MMP16: variants seen among roughly 807,000 people sequenced by gnomAD.
MMP16 encodes matrix metalloproteinase-16.
Under a neutral mutation model 67.8 loss-of-function variants are expected in MMP16, and 12 were observed. The observed-to-expected ratio is 0.18, with a 90% CI of 0.11 to 0.29. The LOEUF (loss-of-function observed/expected upper bound fraction) is 0.29, where lower values mean the gene tolerates loss of function less well. Ranked by LOEUF, MMP16 falls within the 10% of genes least tolerant of loss-of-function variation. The probability of loss-of-function intolerance (pLI) is 1.00; values close to 1 mark genes in which losing one functional copy is unlikely to be tolerated. For missense variants in MMP16, 475 were observed against 765.7 expected (o/e 0.62, Z 4.48); for synonymous variants, 249 against 255.9 (o/e 0.97, Z 0.26).
At chr8:88,293,559 C>T (rs1272790797) in intron 1 of MMP16, among the ~76,000 whole-genome samples, 1 of 152,072 alleles carries the variant, frequency 6.6e-6, no homozygotes, top group African/African-American at 2.4e-5. Context: ...GACAGCATCA[C>T]TCATTTCTTT....
At chr8:88,309,798 T>A (rs1811268615) in intron 1 of MMP16, among the ~76,000 whole-genome samples, 2 of 152,104 alleles carry the variant, frequency 1.3e-5, no homozygotes, top group South Asian at 4.1e-4. Context: ...AGCAAATCCA[T>A]CATATATTTA....
At chr8:88,128,508 T>C (rs187785847) in intron 4 of MMP16, among the ~76,000 whole-genome samples, 3 of 151,938 alleles carry the variant, frequency 2.0e-5, no homozygotes, top group East Asian at 2.0e-4. Context: ...TAGGAAACTT[T>C]CAAATATAAA....
chr8:88,070,458 C>T (rs888111617), intron 7 of MMP16, among the ~76,000 whole-genome samples: 1 of 152,066 alleles, frequency 6.6e-6, no homozygotes, highest in Middle Eastern at 3.2e-3. Context: ...AGGCACTGCT[C>T]CTTTTGTTCC....
At chr8:88,112,580 A>G (rs1409717897) in intron 6 of MMP16, among the ~76,000 whole-genome samples, 2 of 151,444 alleles carry the variant, frequency 1.3e-5, no homozygotes, top group African/African-American at 4.8e-5. Context: ...TTTGTTTTGA[A>G]TCTCATTTCC....
rs190917315 is a variant in MMP16, at chr8:88,201,031, T to A, written c.133-3725A>T. On this transcript the variant is annotated intron_variant, in intron 1 of 9. Transcript: ENST00000286614. ...AGATACTGTTATTCATTTGCTTAGA[T>A]GAAACACAAATGCAAGAACAATTTT... Among the ~76,000 whole-genome samples, 143 of 151,138 alleles carry A rather than the reference T, an allele frequency of 9.5e-4. 1 individual carries two copies. Among genetic ancestry groups the A allele is most frequent in the African/African-American group, 3.3e-3 (138 of 41,232 alleles).
At position 88,158,482 on chromosome 8, in the gene MMP16, G is replaced by C. The variant is rs13254949; in HGVS notation, c.709+9187C>G. On this transcript the variant is annotated intron_variant, in intron 4 of 9. Coordinates refer to ENST00000286614, the MANE Select transcript of MMP16 (RefSeq NM_005941.5). ...TAAATGTCTTCTTTTGAGAAGTGTC[G>C]ATTCATATCCTTTGCCCACTTTTTG... Among the ~76,000 whole-genome samples, 31 of 146,848 alleles carry C rather than the reference G, an allele frequency of 2.1e-4. No homozygotes were observed. The South Asian group carries it at 5.6e-3, about 27-fold the overall frequency.
In MMP16 at chr8:88,214,165, T is replaced by G. The variant is rs139484261; in HGVS notation, c.133-16859A>C. Among the ~76,000 whole-genome samples the G allele has an allele frequency of 3.3e-3, 495 of 152,258 alleles. 4 individuals carry two copies. The highest frequency in any genetic ancestry group is 0.011 in the African/African-American group (456 of 41,550). ...CTCTCTCCAGAACTCCAGAAACATCTATCACGTTTTCCAGCAAACATTTAC... is the reference window on the plus strand; with the variant it reads ...CTCTCTCCAGAACTCCAGAAACATCGATCACGTTTTCCAGCAAACATTTAC... On this transcript the variant is annotated intron_variant, in intron 1 of 9. Coordinates refer to ENST00000286614, the MANE Select transcript of MMP16 (RefSeq NM_005941.5).
intron 1 of MMP16, among the ~76,000 whole-genome samples, chr8:88,312,946 C>G (rs1811318212): frequency 6.6e-6 from 1 of 152,010 alleles, no homozygotes; most frequent in Non-Finnish European, 1.5e-5. Flanking sequence ...TGCACTCCAG[C>G]CTGGGCAATA....
At chr8:88,258,318 C>G (rs11988576) in intron 1 of MMP16, among the ~76,000 whole-genome samples, 30,639 of 152,072 alleles carry the variant, frequency 0.2, 3,583 homozygotes, top group African/African-American at 0.32. Flanking sequence ...CACTCAGGAG[C>G]CTATACTTAA....
At chr8:88,130,503 T>C (rs1808009877) in intron 4 of MMP16, among the ~76,000 whole-genome samples, 1 of 151,856 alleles carries the variant, frequency 6.6e-6, no homozygotes, top group Non-Finnish European at 1.5e-5. Context: ...AGATATACTT[T>C]ACATTCGTCT....
chr8:88,142,198 C>G lies in MMP16; in HGVS notation c.710-23337G>C, dbSNP rs570315298. ...GTGCTAGGATTACAGGCGTGAGCCA[C>G]CATGCCCGGCCATAAATACGTTCAT... On this transcript the variant is annotated intron_variant, in intron 4 of 9. Coordinates refer to ENST00000286614, the MANE Select transcript of MMP16 (RefSeq NM_005941.5). Among the ~76,000 whole-genome samples the G allele has an allele frequency of 6.6e-5, 10 of 152,176 alleles. No individual in the cohort carries two copies. In the South Asian group the frequency reaches 2.1e-3, roughly 32 times the overall value.
chr8:88,121,902 A>C (rs570932518), intron 4 of MMP16, among the ~76,000 whole-genome samples: 3 of 152,110 alleles, frequency 2.0e-5, no homozygotes, highest in South Asian at 4.1e-4. Flanking sequence ...TTCTCCGCTG[A>C]CATATCCTGA....
At chr8:88,291,161 G>A (rs1406993542) in intron 1 of MMP16, among the ~76,000 whole-genome samples, 1 of 151,546 alleles carries the variant, frequency 6.6e-6, no homozygotes, top group Non-Finnish European at 1.5e-5. Flanking sequence ...GATGCTTGTA[G>A]TCCCAGCTAC....
chr8:88,317,447 G>A (rs1347141238), intron 1 of MMP16, among the ~76,000 whole-genome samples: 4 of 152,136 alleles, frequency 2.6e-5, no homozygotes, highest in African/African-American at 7.2e-5. Context: ...GTATGTACAT[G>A]CTTTTTTAGG....
At chr8:88,139,957 C>A (rs1476113371) in intron 4 of MMP16, among the ~76,000 whole-genome samples, 1 of 152,092 alleles carries the variant, frequency 6.6e-6, no homozygotes, top group Non-Finnish European at 1.5e-5. Context: ...TGCTGTATCA[C>A]TGATCTCTAA....
intron 3 of MMP16, among the ~76,000 whole-genome samples, chr8:88,174,988 A>C (rs992418296): frequency 6.6e-6 from 1 of 152,102 alleles, no homozygotes; most frequent in Non-Finnish European, 1.5e-5. Flanking sequence ...TCCTGACCTC[A>C]AGTGATATGT....
Position 88,155,869 on chromosome 8 carries a change from T to G in MMP16, c.709+11800A>C, listed in dbSNP as rs112272556. On this transcript the variant is annotated intron_variant, in intron 4 of 9. Coordinates refer to ENST00000286614, the MANE Select transcript of MMP16 (RefSeq NM_005941.5). ...AGCCTTTTATTCCTGAGTCTTCAAG[T>G]AGATGTTCCTTTTCCTTGATTCTTC... Among the ~76,000 whole-genome samples, 824 of 152,284 alleles carry G rather than the reference T, an allele frequency of 5.4e-3. 2 individuals are homozygous for G. Among genetic ancestry groups the G allele is most frequent in the African/African-American group, 0.019 (770 of 41,568 alleles).
intron 1 of MMP16, among the ~76,000 whole-genome samples, chr8:88,257,785 G>A (rs1810326578): frequency 6.6e-6 from 1 of 152,052 alleles, no homozygotes. Context: ...TACCTTATGG[G>A]TTATACTAGA....
chr8:88,282,170 A>G (rs7017637), intron 1 of MMP16, among the ~76,000 whole-genome samples: 107,626 of 149,236 alleles, frequency 0.72, 39,098 homozygotes, highest in East Asian at 0.94. Context: ...CGCCTCCCGG[A>G]CTCAAGCGAT....
Sources: gnomAD v4.1 joint callset for allele counts (sites outside exome capture counted in the v4.1 genomes callset) on GRCh38, gnomAD v4.1.1 for gene constraint, MANE v1.5 for transcripts, NCBI Gene and HGNC (gene_info 2026-07-23, HGNC 2026-07-21) for gene names.